TAT: variants seen among roughly 807,000 people sequenced by gnomAD.
TAT encodes the protein tyrosine aminotransferase.
A neutral mutation model predicts 53.6 loss-of-function variants in TAT; 35 were observed. The observed-to-expected ratio is 0.65, with a 90% CI of 0.50 to 0.87. The LOEUF (loss-of-function observed/expected upper bound fraction) is 0.87, where lower values mean the gene tolerates loss of function less well. Ranked by LOEUF, TAT falls within the 40% of genes least tolerant of loss-of-function variation. The pLI, the probability that TAT is intolerant of heterozygous loss-of-function variation, is 0.00. For synonymous variants in TAT, 197 were observed against 206.5 expected, an observed-to-expected ratio of 0.95 and a Z score of 0.39; for missense variants, 525 against 571.8, an observed-to-expected ratio of 0.92 and a Z score of 0.83.
chr16:71,573,713 C>T, intron 3 of TAT, 107 bp from the exon 4 acceptor site: 1 of 987,166 alleles, frequency 1.0e-6, no homozygotes, highest in South Asian at 1.4e-5. Context: ...TCACTGCGGC[C>T]TCAAATTCCT....
chr16:71,575,791 C>G, intron 3 of TAT, 131 bp downstream of exon 3: 1 of 1,001,862 alleles, frequency 1.0e-6, no homozygotes, highest in Non-Finnish European at 1.6e-6. Flanking sequence ...ATCCAAAGGA[C>G]CATGTAATCT....
At position 71,570,287 on chromosome 16, in the gene TAT, G is replaced by T; in HGVS notation, c.1023C>A (p.Asn341Lys). The part of the protein sequence containing the change: ...LCRTPGEFYH[N>K]TLSFLKSNAD... ...CCCTTACCTTGAGGAAGCTCAGAGT[G>T]TTGTGGTAAAACTCTCCCGGGGTGC... is the stretch of plus-strand genomic sequence containing the variant. The change falls in exon 9 of 12, where the codon AAC becomes AAA. Residue 341 changes from asparagine (N) to lysine (K), a missense_variant. Coordinates refer to ENST00000355962, the MANE Select transcript of TAT (RefSeq NM_000353.3). The T allele has an allele frequency of 6.2e-7, 1 of 1,614,182 alleles. No individual in the cohort carries two copies. Among genetic ancestry groups the T allele is most frequent in the Non-Finnish European group, 8.5e-7 (1 of 1,180,048 alleles).
At chr16:71,576,928 G>A (rs2044238229) in intron 1 of TAT, 81 bp downstream of exon 1, 1 of 171,296 alleles carries the variant, frequency 5.8e-6, no homozygotes. Flanking sequence ...GCTGGAAAAA[G>A]AAATCAATAC....
intron 9 of TAT, among the ~76,000 whole-genome samples, 166 bp from the exon 10 acceptor site, chr16:71,570,103 A>T (rs2044190668): frequency 6.6e-6 from 1 of 152,242 alleles, no homozygotes; most frequent in Non-Finnish European, 1.5e-5. Context: ...CACCAGGGGC[A>T]GAGAGAATGG....
At position 71,567,743 on chromosome 16, in the gene TAT, T is replaced by TTA. The variant is rs1280599184; in HGVS notation, c.*400_*401insTA. On this transcript the variant is annotated 3_prime_UTR_variant, in exon 12 of 12. Transcript: ENST00000355962. ...GACCTGCCTGGAGAGAGCGTGTTCT[T>TTA]TCTTAGAGTCTGAGGAAATGGTTGG... 9.9e-6 allele frequency: 3 copies of TTA among 304,328 alleles called. No homozygotes were observed. The highest frequency in any genetic ancestry group is 2.2e-5 in the African/African-American group (1 of 45,032). 18.9% of individuals were successfully genotyped at this position (304,328 alleles called of 1,614,324 possible). A position where few individuals can be genotyped will look rare whatever the true frequency, so the allele number is the denominator to read the frequency against.
Position 71,572,237 on chromosome 16 carries a change from T to C in TAT, c.655A>G (p.Asn219Asp). The change falls in exon 6 of 12, where the codon AAC becomes GAC. Residue 219 changes from asparagine to aspartate, a missense_variant. Physicochemically the swap from Asn to Asp is conservative, Grantham distance 23. Coordinates refer to ENST00000355962, the MANE Select transcript of TAT (RefSeq NM_000353.3). ...TACLIVNNPSNPCGSVFSKRH... is the reference protein window; with the variant it reads ...TACLIVNNPSDPCGSVFSKRH... The stretch of plus-strand genomic sequence containing the variant: ...TTGCTGAACACTGACCCACAGGGGT[T>C]TGATGGATTATTGACAATGAGACAA... 4.3e-6 allele frequency: 7 copies of C among 1,614,250 alleles called. No individual in the cohort carries two copies. Among genetic ancestry groups the C allele is most frequent in the Non-Finnish European group, 5.9e-6 (7 of 1,180,038 alleles).
rs189226981 is a variant in TAT at position 71,574,273 on chromosome 16, G to A, written c.341-667C>T. ...CTATTATTCCCAAATCTTTTTTAGG[G>A]ACTGTATTTTTTAAGAAGTTGTAAT... On this transcript the variant is annotated intron_variant, in intron 3 of 11. Coordinates refer to ENST00000355962, the MANE Select transcript of TAT (RefSeq NM_000353.3). Among the ~76,000 whole-genome samples, 9 of 152,208 alleles carry A rather than the reference G, an allele frequency of 5.9e-5. No individual in the cohort carries two copies. The East Asian group carries it at 1.7e-3, about 29-fold the overall frequency.
At chr16:71,571,347 G>A (rs550768175) in intron 7 of TAT, among the ~76,000 whole-genome samples, 1 of 152,186 alleles carries the variant, frequency 6.6e-6, no homozygotes, top group Admixed American at 6.5e-5. Flanking sequence ...ATCCACAAGT[G>A]GGAAAAATAA....
In TAT at chr16:71,576,238, C is replaced by CA. The variant is rs1555538156; in HGVS notation, c.177dup (p.Val60CysfsTer33). 1.2e-6 allele frequency: 2 copies of CA among 1,614,090 alleles called. No homozygotes were observed. The highest frequency in any genetic ancestry group is 1.7e-5 in the Admixed American group (1 of 60,002). On this transcript the variant is annotated frameshift_variant, in exon 2 of 12. Transcript: ENST00000355962. LOFTEE classifies it high-confidence loss of function. ...TTTGGTTTCACCTTCATGTTGTCCA[C>CA]AATGGCTCGGATGGGGTTGAAAGTT... is the stretch of plus-strand genomic sequence containing the variant.
chr16:71,570,145 A>G, intron 9 of TAT, 124 bp downstream of exon 9: 1 of 1,499,892 alleles, frequency 6.7e-7, no homozygotes, highest in Non-Finnish European at 9.1e-7. Flanking sequence ...GTGGATGCTT[A>G]CACCGATGCC....
At chr16:71,569,979 G>A in intron 9 of TAT, 42 bp from the exon 10 acceptor site, 1 of 1,579,942 alleles carries the variant, frequency 6.3e-7, no homozygotes, top group South Asian at 1.1e-5. Flanking sequence ...CAAAATTTAA[G>A]TAAAAGAAAA....
intron 10 of TAT, 72 bp downstream of exon 10, chr16:71,569,782 G>T: frequency 6.9e-7 from 1 of 1,440,238 alleles, no homozygotes; most frequent in Non-Finnish European, 9.7e-7. Flanking sequence ...ACTGCCTGTG[G>T]CAATTCTGCT....
chr16:71,566,489 A>C lies in TAT; in HGVS notation c.*1655T>G, dbSNP rs1230152202. On this transcript the variant is annotated 3_prime_UTR_variant, in exon 12 of 12. Coordinates refer to ENST00000355962, the MANE Select transcript of TAT (RefSeq NM_000353.3). ...TTTGCGAAAAAAAAAAAAAAAAAAA[A>C]ACATCTAGGACACTTCTCATTCACT... is the stretch of plus-strand genomic sequence containing the variant. 1 of 147,542 alleles carries C rather than the reference A, an allele frequency of 6.8e-6. No homozygotes were observed. Among genetic ancestry groups the C allele is most frequent in the Non-Finnish European group, 1.5e-5 (1 of 66,814 alleles). The allele number at this position is 147,542 out of a possible 1,614,324, so 9.1% of individuals were successfully genotyped here.
At position 71,572,384 on chromosome 16, in the gene TAT, C is replaced by T. The variant is rs543927323; in HGVS notation, c.568-60G>A. On this transcript the variant is annotated intron_variant, in intron 5 of 11. Coordinates refer to ENST00000355962, the MANE Select transcript of TAT (RefSeq NM_000353.3). ...CTGAAACATTTAGGGGGAATCCTCACTTATCTCAAGGGTCCAATGTAAGCA... is the reference window on the plus strand; with the variant it reads ...CTGAAACATTTAGGGGGAATCCTCATTTATCTCAAGGGTCCAATGTAAGCA... 3.2e-5 allele frequency: 52 copies of T among 1,611,552 alleles called. No individual in the cohort carries two copies. The South Asian group carries it at 5.4e-4, about 17-fold the overall frequency.
chr16:71,568,376 T>A, intron 11 of TAT, 92 bp from the exon 12 acceptor site: 1 of 1,313,532 alleles, frequency 7.6e-7, no homozygotes, highest in Non-Finnish European at 1.1e-6. Flanking sequence ...CAAGAAGTGG[T>A]ACCATTTCAT....
In TAT at chr16:71,568,720, G is replaced by C; in HGVS notation, c.1215C>G (p.Leu405=). Residue 405 remains leucine (L), a synonymous_variant, in exon 11 of 12, where the codon CTC becomes CTG. Transcript: ENST00000355962. The part of the protein sequence containing the change: ...RLVAEQSVHC[L]PATCFEYPNF... ...GGACACAGGCACCCACCGTTGCTGGGAGGCAGTGGACAGACTGCTCAGCAA... is the reference window on the plus strand; with the variant it reads ...GGACACAGGCACCCACCGTTGCTGGCAGGCAGTGGACAGACTGCTCAGCAA... 1 of 1,613,500 alleles carries C rather than the reference G, an allele frequency of 6.2e-7. No homozygotes were observed. The highest frequency in any genetic ancestry group is 8.5e-7 in the Non-Finnish European group (1 of 1,179,712).
chr16:71,574,397 A>G (rs943527868), intron 3 of TAT, among the ~76,000 whole-genome samples: 1 of 152,112 alleles, frequency 6.6e-6, no homozygotes, highest in Non-Finnish European at 1.5e-5. Context: ...TCTGACCAAC[A>G]TGGAGAAATC....
chr16:71,569,951 C>T lies in TAT; in HGVS notation c.1042-14G>A, dbSNP rs2044189050. 1 of 1,610,000 alleles carries T rather than the reference C, an allele frequency of 6.2e-7. No homozygotes were observed. The highest frequency in any genetic ancestry group is 8.5e-7 in the Non-Finnish European group (1 of 1,178,190). On this transcript the variant is annotated splice_polypyrimidine_tract_variant and intron_variant, in intron 9 of 11. Transcript: ENST00000355962. ...ATCAGCATTGGACTACAAGAAGAGG[C>T]AAGGAGAAATCAAGGATCAAAATTT... is the stretch of plus-strand genomic sequence containing the variant.
At position 71,573,520 on chromosome 16, in the gene TAT, T is replaced by G. The variant is rs1306238096; in HGVS notation, c.408+19A>C. The G allele has an allele frequency of 4.5e-6, 7 of 1,551,166 alleles. No individual in the cohort carries two copies. The highest frequency in any genetic ancestry group is 6.1e-6 in the Non-Finnish European group (7 of 1,146,288). On this transcript the variant is annotated intron_variant, in intron 4 of 11. Transcript: ENST00000355962. ...TTGCCCTAAATTGCTTCAGAGCTGG[T>G]GTCTTGTATAAGGCTCACCTTAGCT...
Sources: allele counts gnomAD v4.1 joint callset (sites outside exome capture counted in the v4.1 genomes callset), GRCh38; gene constraint gnomAD v4.1.1; transcripts MANE v1.5; gene names NCBI Gene and HGNC (gene_info 2026-07-23, HGNC 2026-07-21).